PGBD5: variants seen among roughly 807,000 people sequenced by gnomAD.
The protein encoded by PGBD5 is piggyBac transposable element-derived protein 5.
In PGBD5, 14 loss-of-function variants were observed where a neutral mutation model predicts 47.9. The ratio of observed to expected loss-of-function variants is 0.29; its 90% confidence interval spans 0.19 to 0.46. The LOEUF (loss-of-function observed/expected upper bound fraction) is 0.46, where lower values mean the gene tolerates loss of function less well. PGBD5 is among the 20% of genes least tolerant of loss of function. The pLI, the probability that PGBD5 is intolerant of heterozygous loss-of-function variation, is 1.00. For missense variants in PGBD5, 635 were observed against 716.0 expected (o/e 0.89, Z 1.29); for synonymous variants, 316 against 306.3 (o/e 1.03, Z -0.33).
At chr1:230,349,905 C>T (rs2102700636) in intron 3 of PGBD5, among the ~76,000 whole-genome samples, 1 of 152,350 alleles carries the variant, frequency 6.6e-6, no homozygotes, top group East Asian at 1.9e-4. Context: ...GAGATCCTGA[C>T]CCCAACTCAA....
intron 2 of PGBD5, among the ~76,000 whole-genome samples, chr1:230,354,364 C>T (rs1323465779): frequency 6.6e-6 from 1 of 152,086 alleles, no homozygotes; most frequent in Non-Finnish European, 1.5e-5. Flanking sequence ...GAGCTGAGGC[C>T]TGGAGGTCAG....
intron 1 of PGBD5, among the ~76,000 whole-genome samples, chr1:230,393,842 AAAT>A (rs1558209612): frequency 6.7e-6 from 1 of 149,734 alleles, no homozygotes; most frequent in Admixed American, 6.6e-5. Flanking sequence ...AAAAAAAAAA[AAAT>A]AATAGGCCCG....
intron 1 of PGBD5, among the ~76,000 whole-genome samples, chr1:230,387,362 G>C (rs1468375408): frequency 6.6e-6 from 1 of 152,192 alleles, no homozygotes; most frequent in Non-Finnish European, 1.5e-5. Flanking sequence ...TTATTAAGGA[G>C]TCAGCATGGT....
At chr1:230,355,376 T>C (rs1170555842) in intron 2 of PGBD5, among the ~76,000 whole-genome samples, 1 of 152,216 alleles carries the variant, frequency 6.6e-6, no homozygotes, top group East Asian at 1.9e-4. Flanking sequence ...CAGATACCTC[T>C]TGAGAGATAC....
chr1:230,325,557 A>C (rs1273287832), intron 5 of PGBD5, 142 bp from the exon 6 acceptor site: 10 of 652,332 alleles, frequency 1.5e-5, no homozygotes. Context: ...GAGTTGAAGA[A>C]GAACAATCAG....
Position 230,348,063 on chromosome 1 carries a change from C to T in PGBD5, c.894+2895G>A, listed in dbSNP as rs143174008. Reference sequence around the variant, plus strand: ...GGGCGTGGGGCAGATGCTACGCTAACGAGCGGCACAGCACAATGGGAGAGG... The same window carrying T: ...GGGCGTGGGGCAGATGCTACGCTAATGAGCGGCACAGCACAATGGGAGAGG... On this transcript the variant is annotated intron_variant, in intron 3 of 6. Coordinates refer to ENST00000391860, the MANE Select transcript of PGBD5 (RefSeq NM_001258311.2). Among the ~76,000 whole-genome samples, 272 of 152,268 alleles carry T rather than the reference C, an allele frequency of 1.8e-3. 1 individual carries two copies. The Middle Eastern group carries it at 0.02, about 11-fold the overall frequency.
At chr1:230,342,507 C>T (rs1416238452) in intron 3 of PGBD5, among the ~76,000 whole-genome samples, 1 of 152,152 alleles carries the variant, frequency 6.6e-6, no homozygotes, top group African/African-American at 2.4e-5. Context: ...AGAATGAGAT[C>T]ACGGGGTGTG....
At position 230,323,163 on chromosome 1, in the gene PGBD5, C is replaced by A; in HGVS notation, c.*262G>T. ...AGCTCCACGGATGTCATGAGAGAAT[C>A]TGCCCTTGAGAACGTGGGTGTAAGT... On this transcript the variant is annotated 3_prime_UTR_variant, in exon 7 of 7. Transcript: ENST00000391860. This position sits in a 1 kb window ranked among gnomAD's most constrained non-coding sequence, Gnocchi z 4.1. The A allele has an allele frequency of 2.1e-6, 1 of 471,624 alleles. No homozygotes were observed. Among genetic ancestry groups the A allele is most frequent in the Non-Finnish European group, 3.8e-6 (1 of 264,180 alleles). 29.2% of individuals were successfully genotyped at this position (471,624 alleles called of 1,614,324 possible). A position where few individuals can be genotyped will look rare whatever the true frequency, so the allele number is the denominator to read the frequency against.
intron 1 of PGBD5, among the ~76,000 whole-genome samples, chr1:230,415,737 A>C (rs1464357510): frequency 6.6e-6 from 1 of 152,202 alleles, no homozygotes; most frequent in African/African-American, 2.4e-5. Context: ...CATTTCCCAG[A>C]ATACAAGGCA....
chr1:230,397,466 G>C (rs1482489114), intron 1 of PGBD5, among the ~76,000 whole-genome samples: 6 of 152,182 alleles, frequency 3.9e-5, no homozygotes, highest in Admixed American at 6.5e-5. Flanking sequence ...CTAATTCCTA[G>C]TTTTTGACAC....
At chr1:230,328,355 G>C (rs1342669463) in intron 5 of PGBD5, among the ~76,000 whole-genome samples, 1 of 152,032 alleles carries the variant, frequency 6.6e-6, no homozygotes, top group Non-Finnish European at 1.5e-5. Flanking sequence ...TCCTCTCCTT[G>C]AGCATTTCCC....
At chr1:230,331,898 G>C (rs544298370) in intron 5 of PGBD5, among the ~76,000 whole-genome samples, 1 of 151,410 alleles carries the variant, frequency 6.6e-6, no homozygotes, top group Non-Finnish European at 1.5e-5. Context: ...GGGGTCCCTT[G>C]ATCGCAATCT....
At chr1:230,342,189 C>T (rs1259995400) in intron 3 of PGBD5, among the ~76,000 whole-genome samples, 1 of 152,168 alleles carries the variant, frequency 6.6e-6, no homozygotes, top group Non-Finnish European at 1.5e-5. Context: ...TGCTGACTCA[C>T]CAGCTGATAG....
At chr1:230,347,844 A>G (rs1393225922) in intron 3 of PGBD5, among the ~76,000 whole-genome samples, 1 of 152,228 alleles carries the variant, frequency 6.6e-6, no homozygotes, top group Non-Finnish European at 1.5e-5. Flanking sequence ...AAACAGCTAC[A>G]AAATCGATGT....
chr1:230,390,219 C>T (rs1656751672), intron 1 of PGBD5, among the ~76,000 whole-genome samples: 1 of 152,190 alleles, frequency 6.6e-6, no homozygotes, highest in Admixed American at 6.5e-5. Context: ...TTCTTTACTG[C>T]TGCCAATCCA....
chr1:230,423,359 G>C (rs75393788), intron 1 of PGBD5, among the ~76,000 whole-genome samples: 9 of 152,324 alleles, frequency 5.9e-5, no homozygotes, highest in African/African-American at 2.2e-4. Context: ...AGATGGAAGA[G>C]AGATCCAGGC....
chr1:230,413,317 T>C (rs1361184566), intron 1 of PGBD5, among the ~76,000 whole-genome samples: 1 of 152,078 alleles, frequency 6.6e-6, no homozygotes, highest in African/African-American at 2.4e-5. Flanking sequence ...GAGGGAGATA[T>C]TCTGGAGCTG....
chr1:230,351,444 C>T (rs1667559886), intron 2 of PGBD5, among the ~76,000 whole-genome samples: 1 of 152,094 alleles, frequency 6.6e-6, no homozygotes, highest in East Asian at 1.9e-4. Flanking sequence ...GTCCTGTGTC[C>T]TCTGGCTGGA....
intron 1 of PGBD5, among the ~76,000 whole-genome samples, chr1:230,392,647 C>T (rs1656817513): frequency 6.6e-6 from 1 of 152,190 alleles, no homozygotes; most frequent in South Asian, 2.1e-4. Flanking sequence ...AGAGGACTGT[C>T]AGGACTTCCC....
Sources: gnomAD v4.1 joint callset for allele counts (sites outside exome capture counted in the v4.1 genomes callset) on GRCh38, gnomAD v4.1.1 for gene constraint, Gnocchi (gnomAD v3.1) non-coding constraint, MANE v1.5 for transcripts, NCBI Gene and HGNC (gene_info 2026-07-23, HGNC 2026-07-21) for gene names.